Variants in MED12L observed in about 807,000 individuals in gnomAD.
MED12L encodes mediator complex subunit 12L, also known as mediator of RNA polymerase II transcription subunit 12-like protein.
Under a neutral mutation model 281.3 loss-of-function variants are expected in MED12L, and 60 were observed. That is an observed-to-expected ratio of 0.21 (90% CI 0.17 to 0.26). The LOEUF is 0.26. MED12L is among the 10% of genes least tolerant of loss of function. The probability of loss-of-function intolerance (pLI) is 1.00; values close to 1 mark genes in which losing one functional copy is unlikely to be tolerated. For missense variants in MED12L, 2,146 were observed against 2,680.9 expected, an observed-to-expected ratio of 0.80 and a Z score of 4.41; for synonymous variants, 974 against 987.2, an observed-to-expected ratio of 0.99 and a Z score of 0.25.
At chr3:151,289,815 T>G (rs994840767) in intron 16 of MED12L, among the ~76,000 whole-genome samples, 1 of 152,160 alleles carries the variant, frequency 6.6e-6, no homozygotes, top group Admixed American at 6.6e-5. Flanking sequence ...ATCAGATGTA[T>G]GGTTCAATTC....
At chr3:151,087,629 T>A (rs1719434886) in intron 2 of MED12L, among the ~76,000 whole-genome samples, 1 of 152,224 alleles carries the variant, frequency 6.6e-6, no homozygotes, top group Non-Finnish European at 1.5e-5. Context: ...GCTTAATTGC[T>A]AGAGGCTGTT....
intron 5 of MED12L, among the ~76,000 whole-genome samples, chr3:151,129,339 TAAAAG>T (rs1316227952): frequency 3.3e-5 from 5 of 152,156 alleles, no homozygotes; most frequent in Non-Finnish European, 7.3e-5. Context: ...CTATACGTGT[TAAAAG>T]AAATAAGCAA....
intron 16 of MED12L, among the ~76,000 whole-genome samples, chr3:151,317,436 C>CATTTTTTT (rs1748412575): frequency 1.7e-5 from 1 of 58,744 alleles, no homozygotes; most frequent in Admixed American, 2.7e-4. Context: ...AATCATATCA[C>CATTTTTTT]TTTTTTTTTT....
At chr3:151,403,268 A>T (rs1466157899) in intron 39 of MED12L, among the ~76,000 whole-genome samples, 1 of 152,116 alleles carries the variant, frequency 6.6e-6, no homozygotes, top group African/African-American at 2.4e-5. Context: ...TATAGAAACC[A>T]ATAGACATTC....
intron 16 of MED12L, among the ~76,000 whole-genome samples, chr3:151,216,527 C>A (rs1424030164): frequency 6.6e-6 from 1 of 152,180 alleles, no homozygotes; most frequent in African/African-American, 2.4e-5. Flanking sequence ...ATTTTCCTTT[C>A]CCATATGCTT....
intron 6 of MED12L, among the ~76,000 whole-genome samples, chr3:151,156,996 GCTC>G (rs1719374148): frequency 6.6e-6 from 1 of 152,122 alleles, no homozygotes; most frequent in African/African-American, 2.4e-5. Flanking sequence ...TAATTTTCAT[GCTC>G]CTCTTCTAAG....
intron 21 of MED12L, among the ~76,000 whole-genome samples, chr3:151,361,580 G>GT (rs1754620799): frequency 6.6e-6 from 1 of 151,992 alleles, no homozygotes; most frequent in African/African-American, 2.4e-5. Context: ...ATATTTTATT[G>GT]TTTAATGAGT....
At chr3:151,091,956 C>T (rs550586330) in intron 2 of MED12L, among the ~76,000 whole-genome samples, 1 of 152,008 alleles carries the variant, frequency 6.6e-6, no homozygotes, top group South Asian at 2.1e-4. Context: ...GTGCCTGTCA[C>T]ACAGGCAGCA....
intron 11 of MED12L, among the ~76,000 whole-genome samples, chr3:151,175,428 G>T (rs923101942): frequency 6.6e-6 from 1 of 152,048 alleles, no homozygotes; most frequent in Admixed American, 6.6e-5. Context: ...TTTAAAAAAC[G>T]TTTCAACTCT....
chr3:151,310,523 A>G (rs1747361223), intron 16 of MED12L, among the ~76,000 whole-genome samples: 1 of 152,206 alleles, frequency 6.6e-6, no homozygotes, highest in South Asian at 2.1e-4. Flanking sequence ...ACTCTACATA[A>G]TAAGAATGGT....
intron 2 of MED12L, among the ~76,000 whole-genome samples, chr3:151,108,320 T>C (rs1459305713): frequency 6.6e-6 from 1 of 152,092 alleles, no homozygotes; most frequent in Non-Finnish European, 1.5e-5. Flanking sequence ...GAGAGAAGTA[T>C]GGATAGGTTT....
intron 43 of MED12L, among the ~76,000 whole-genome samples, chr3:151,423,001 C>A: frequency 8.0e-6 from 1 of 124,668 alleles, no homozygotes; most frequent in African/African-American, 2.9e-5. Context: ...TTAATGCATT[C>A]TAGGAGATCA....
intron 16 of MED12L, among the ~76,000 whole-genome samples, chr3:151,267,569 T>C (rs1022910101): frequency 6.6e-6 from 1 of 152,196 alleles, no homozygotes; most frequent in African/African-American, 2.4e-5. Context: ...TAAATAGTTT[T>C]CCTATGAATT....
intron 16 of MED12L, among the ~76,000 whole-genome samples, chr3:151,333,109 G>A (rs946714100): frequency 6.6e-6 from 1 of 152,172 alleles, no homozygotes; most frequent in Non-Finnish European, 1.5e-5. Context: ...GTATCTCATG[G>A]TGTATATGTA....
chr3:151,325,266 G>A (rs778258741), intron 16 of MED12L, among the ~76,000 whole-genome samples: 5 of 152,068 alleles, frequency 3.3e-5, no homozygotes, highest in Non-Finnish European at 5.9e-5. Context: ...GAATTCTTCC[G>A]AGTGTGGGAA....
At chr3:151,172,284 A>G (rs1721534080) in intron 11 of MED12L, among the ~76,000 whole-genome samples, 1 of 152,238 alleles carries the variant, frequency 6.6e-6, no homozygotes, top group Admixed American at 6.5e-5. Context: ...GACGATGTGA[A>G]AATGACATGA....
Position 151,294,713 on chromosome 3 carries a change from A to G in MED12L, c.2251-55346A>G, listed in dbSNP as rs144338454. On this transcript the variant is annotated intron_variant, in intron 16 of 44. Coordinates refer to ENST00000687756, the MANE Select transcript of MED12L (RefSeq NM_001393769.1). ...CTCTGTTGGCTGACCATTTGTTAGG[A>G]TGATGTTTGGCAAAGACAAAACAGC... The G allele has an allele frequency of 9.3e-6, 15 of 1,614,076 alleles. No individual in the cohort carries two copies. The African/African-American group carries it at 1.2e-4, about 13-fold the overall frequency.
rs187453132 is a variant in MED12L, at chr3:151,174,780, C to T, written c.1494+8798C>T. ...TTGCCCAGGCTGGAGTGCGGTGGTGCGATCACAGCTGATTGCAGCCTTGAA... is the reference window on the plus strand; with the variant it reads ...TTGCCCAGGCTGGAGTGCGGTGGTGTGATCACAGCTGATTGCAGCCTTGAA... On this transcript the variant is annotated intron_variant, in intron 11 of 44. Coordinates refer to ENST00000687756, the MANE Select transcript of MED12L (RefSeq NM_001393769.1). Among the ~76,000 whole-genome samples, 240 of 152,064 alleles carry T rather than the reference C, an allele frequency of 1.6e-3. 1 individual carries two copies. Among genetic ancestry groups the T allele is most frequent in the African/African-American group, 5.5e-3 (230 of 41,466 alleles).
intron 5 of MED12L, among the ~76,000 whole-genome samples, chr3:151,144,423 A>T (rs553144245): frequency 6.6e-6 from 1 of 152,142 alleles, no homozygotes; most frequent in Admixed American, 6.5e-5. Context: ...AGGAAGAAAG[A>T]TGCAGTCGGG....
Sources: gnomAD v4.1 joint callset for allele counts (sites outside exome capture counted in the v4.1 genomes callset) on GRCh38, gnomAD v4.1.1 for gene constraint, MANE v1.5 for transcripts, NCBI Gene and HGNC (gene_info 2026-07-23, HGNC 2026-07-21) for gene names.